Variants in ATP11A observed in about 807,000 individuals in gnomAD.
ATP11A encodes ATPase phospholipid transporting 11A, also known as phospholipid-transporting ATPase IH.
Under a neutral mutation model 154.4 loss-of-function variants are expected in ATP11A, and 81 were observed. The ratio of observed to expected loss-of-function variants is 0.52; its 90% CI spans 0.44 to 0.63. The LOEUF (loss-of-function observed/expected upper bound fraction) is 0.63, where lower values mean the gene tolerates loss of function less well. Among genes scored for constraint, ATP11A ranks in the 30% least tolerant of loss-of-function variants. ATP11A has a pLI of 0.00. For missense variants in ATP11A, 1,316 were observed against 1,474.3 expected (o/e 0.89, Z 1.76); for synonymous variants, 623 against 585.9 (o/e 1.06, Z -0.91).
intron 1 of ATP11A, among the ~76,000 whole-genome samples, chr13:112,715,335 CCCCGGTA>C (rs1888294860): frequency 6.6e-6 from 1 of 151,328 alleles, no homozygotes; most frequent in African/African-American, 2.4e-5. Context: ...CCTGGCCCAT[CCCCGGTA>C]CCTGGCCAAT....
intron 12 of ATP11A, among the ~76,000 whole-genome samples, chr13:112,829,357 A>G (rs771234833): frequency 8.5e-5 from 13 of 152,252 alleles, no homozygotes; most frequent in Admixed American, 6.5e-5. Flanking sequence ...AAACCAATTC[A>G]GCAGCATACA....
chr13:112,862,358 AG>A lies in ATP11A; in HGVS notation c.2856-79del, dbSNP rs1395584079. 1.5e-5 allele frequency: 23 copies of A among 1,558,406 alleles called. No homozygotes were observed. In the Admixed American group the frequency reaches 4.1e-4, roughly 28 times the overall value. On this transcript the variant is annotated intron_variant, in intron 24 of 29. Transcript: ENST00000375645. ...ATCTTATCCCATGAAGACAACGTCC[AG>A]GGATGGCCACCCCAGAGCCTGGGGG...
intron 2 of ATP11A, among the ~76,000 whole-genome samples, chr13:112,795,801 C>T (rs1052874597): frequency 1.3e-5 from 2 of 152,230 alleles, no homozygotes; most frequent in Admixed American, 6.5e-5. Flanking sequence ...ATATCTTTCT[C>T]AAATATTTAA....
At chr13:112,789,028 C>T (rs1455385209) in intron 2 of ATP11A, among the ~76,000 whole-genome samples, 2 of 151,506 alleles carry the variant, frequency 1.3e-5, no homozygotes, top group African/African-American at 4.9e-5. Flanking sequence ...CATGTAGACC[C>T]CTGTGTAGAC....
chr13:112,698,246 G>T (rs1250221253), intron 1 of ATP11A, among the ~76,000 whole-genome samples: 3 of 151,608 alleles, frequency 2.0e-5, no homozygotes, highest in South Asian at 4.1e-4. Flanking sequence ...CTTGGGGAGG[G>T]TCGGTGCTCT....
chr13:112,826,620 G>T, intron 11 of ATP11A, 74 bp from the exon 12 acceptor site: 2 of 1,168,604 alleles, frequency 1.7e-6, no homozygotes, highest in Non-Finnish European at 2.6e-6. Context: ...TAAGCCTGAG[G>T]TGTTAGAGCA....
chr13:112,826,611 A>G, intron 11 of ATP11A, 83 bp from the exon 12 acceptor site: 1 of 1,103,280 alleles, frequency 9.1e-7, no homozygotes, highest in Non-Finnish European at 1.4e-6. Context: ...ACTTATGCCT[A>G]AGCCTGAGGT....
At chr13:112,839,088 T>A (rs913023877) in intron 16 of ATP11A, among the ~76,000 whole-genome samples, 31 of 152,254 alleles carry the variant, frequency 2.0e-4, no homozygotes, top group African/African-American at 6.7e-4. Flanking sequence ...ATGTGTGCTT[T>A]CCTGGGATTC....
At chr13:112,777,843 C>T (rs191016560) in intron 1 of ATP11A, among the ~76,000 whole-genome samples, 32 of 151,730 alleles carry the variant, frequency 2.1e-4, no homozygotes, top group African/African-American at 5.6e-4. Flanking sequence ...GAAGCCCTGC[C>T]GCTCCCTCCC....
chr13:112,781,966 T>TA (rs897302675), intron 1 of ATP11A, among the ~76,000 whole-genome samples: 6 of 152,170 alleles, frequency 3.9e-5, no homozygotes, highest in African/African-American at 1.4e-4. Context: ...TGGTGTCTGT[T>TA]ATGCTGACGA....
At chr13:112,835,579 C>T (rs1241854829) in intron 15 of ATP11A, among the ~76,000 whole-genome samples, 1 of 152,164 alleles carries the variant, frequency 6.6e-6, no homozygotes, top group Non-Finnish European at 1.5e-5. Flanking sequence ...AGGGCTCTGC[C>T]AAGGGACCCC....
intron 5 of ATP11A, among the ~76,000 whole-genome samples, chr13:112,814,145 C>T (rs561011490): frequency 6.6e-6 from 1 of 152,130 alleles, no homozygotes; most frequent in African/African-American, 2.4e-5. Context: ...CTCACTGCCA[C>T]CTCCACCTCC....
chr13:112,884,160 C>T lies in ATP11A; in HGVS notation c.*2294C>T, dbSNP rs1263313832. 1 of 152,586 alleles carries T rather than the reference C, an allele frequency of 6.6e-6. No homozygotes were observed. Among genetic ancestry groups the T allele is most frequent in the African/African-American group, 2.4e-5 (1 of 41,438 alleles). 9.5% of individuals were successfully genotyped at this position (152,586 alleles called of 1,614,324 possible). On this transcript the variant is annotated 3_prime_UTR_variant, in exon 30 of 30. Transcript: ENST00000375645. The stretch of plus-strand genomic sequence containing the variant: ...CAGATTTGATTTTATTCTCTACACA[C>T]ACCTCTTCTTTTCTTGGTATTTCTG...
chr13:112,825,708 T>C, intron 11 of ATP11A, 128 bp downstream of exon 11: 1 of 1,066,582 alleles, frequency 9.4e-7, no homozygotes, highest in Admixed American at 3.0e-5. Flanking sequence ...ATTCAGTCTC[T>C]GTGATAGATG....
Position 112,779,137 on chromosome 13 carries a change from TGAGTAGCCGCTGGAGTGAG to T in ATP11A, c.40-5989_40-5971del, listed in dbSNP as rs1445189675. ...CCACTGGAGTGAGTAGCCGCTGGAG[TGAGTAGCCGCTGGAGTGAG>T]GAGTAGCCACTGGAGTACGAGTAGC... On this transcript the variant is annotated intron_variant, in intron 1 of 29. Coordinates refer to ENST00000375645, the MANE Select transcript of ATP11A (RefSeq NM_015205.3). 8.4e-5 allele frequency among the ~76,000 whole-genome samples: 6 copies of T among 71,782 alleles called. No individual in the cohort carries two copies. The East Asian group carries it at 2.5e-3, about 30-fold the overall frequency. The allele number at this position is 71,782 out of a possible 152,430, so 47.1% of individuals were successfully genotyped here. A position where few individuals can be genotyped will look rare whatever the true frequency, so the allele number is the denominator to read the frequency against.
At position 112,885,662 on chromosome 13, in the gene ATP11A, TAC is replaced by T. The variant is rs1482917155; in HGVS notation, c.*3802_*3803del. On this transcript the variant is annotated 3_prime_UTR_variant, in exon 30 of 30. Transcript: ENST00000375645. ...ATGCGCAGGCTCCTGCAGGCGTGAA[TAC>T]ACACATGCACACACATATACACACA... 1 of 152,304 alleles carries T rather than the reference TAC, an allele frequency of 6.6e-6. No homozygotes were observed. The highest frequency in any genetic ancestry group is 1.5e-5 in the Non-Finnish European group (1 of 68,086). 9.4% of individuals were successfully genotyped at this position (152,304 alleles called of 1,614,324 possible). A position where few individuals can be genotyped will look rare whatever the true frequency, so the allele number is the denominator to read the frequency against.
chr13:112,854,428 C>T lies in ATP11A; in HGVS notation c.2141C>T (p.Thr714Ile). The change falls in exon 19 of 30, where the codon ACC (threonine) becomes ATC (isoleucine). Residue 714 changes from threonine to isoleucine, a missense_variant. Physicochemically the swap from Thr to Ile is moderately conservative, Grantham distance 89 (BLOSUM62 -1). Coordinates refer to ENST00000375645, the MANE Select transcript of ATP11A (RefSeq NM_015205.3). ...FRRNTQLLEL[T>I]TKRIEEQSLH... ...AGGAACACGCAGCTGCTGGAGCTGACCACCAAGAGGATCGAGGAGCAGAGC... is the reference window on the plus strand; with the variant it reads ...AGGAACACGCAGCTGCTGGAGCTGATCACCAAGAGGATCGAGGAGCAGAGC... The T allele has an allele frequency of 6.2e-7, 1 of 1,613,372 alleles. No homozygotes were observed. Among genetic ancestry groups the T allele is most frequent in the Non-Finnish European group, 8.5e-7 (1 of 1,180,026 alleles).
chr13:112,831,334 C>A (rs766897109), intron 12 of ATP11A, 41 bp from the exon 13 acceptor site: 51 of 1,598,998 alleles, frequency 3.2e-5, no homozygotes, highest in Non-Finnish European at 4.2e-5. Flanking sequence ...GACGTGCGGG[C>A]CTCCCTCAGA....
intron 1 of ATP11A, among the ~76,000 whole-genome samples, chr13:112,693,545 C>CCGTG (rs1885442013): frequency 6.6e-6 from 1 of 151,754 alleles, no homozygotes; most frequent in East Asian, 1.9e-4. Context: ...AGCGTGTGTG[C>CCGTG]CGTGGACTGG....
Sources: gnomAD v4.1 joint callset for allele counts (sites outside exome capture counted in the v4.1 genomes callset) on GRCh38, gnomAD v4.1.1 for gene constraint, MANE v1.5 for transcripts, NCBI Gene and HGNC (gene_info 2026-07-23, HGNC 2026-07-21) for gene names.